Variants in RP1 observed in about 807,000 individuals in gnomAD.
RP1 encodes the protein RP1 axonemal microtubule associated, also known as oxygen-regulated protein 1.
In RP1, 16 loss-of-function variants were observed where a neutral mutation model predicts 14.8. The observed-to-expected ratio is 1.08, with a 90% confidence interval of 0.73 to 1.65. The LOEUF (loss-of-function observed/expected upper bound fraction) is 1.65, where lower values mean the gene tolerates loss of function less well. Ranked by LOEUF, RP1 falls within the 40% of genes most tolerant of loss-of-function variation. The pLI, the probability that RP1 is intolerant of heterozygous loss-of-function variation, is 0.00. For synonymous variants in RP1, 876 were observed against 883.6 expected (o/e 0.99, Z 0.15); for missense variants, 2,631 against 2,535.0 (o/e 1.04, Z -0.81).
At chr8:54,823,612 G>A (rs1811310320) in intron 24 of RP1, among the ~76,000 whole-genome samples, 1 of 152,170 alleles carries the variant, frequency 6.6e-6, no homozygotes, top group Non-Finnish European at 1.5e-5. Flanking sequence ...TTACAGACAT[G>A]AGCCACCATG....
At chr8:54,633,733 CTCTCTATATA>C (rs1276751107), downstream of RP1, among the ~76,000 whole-genome samples, 4 of 130,132 alleles carry the variant, frequency 3.1e-5, no homozygotes, top group African/African-American at 1.2e-4. Context: ...CTCTCTCTCT[CTCTCTATATA>C]TATATATATA....
intron 24 of RP1, among the ~76,000 whole-genome samples, chr8:54,788,270 G>T (rs1478871736): frequency 6.6e-6 from 1 of 152,164 alleles, no homozygotes; most frequent in East Asian, 1.9e-4. Context: ...GAGCAAGTCA[G>T]TTGAGTATGT....
chr8:54,682,700 C>T (rs144909272), intron 12 of RP1, among the ~76,000 whole-genome samples: 4,468 of 151,802 alleles, frequency 0.029, 127 homozygotes, highest in African/African-American at 0.066. Flanking sequence ...GAATATTAGA[C>T]CTTTGTCAGA....
chr8:54,771,721 G>A (rs1809912511), downstream of RP1, among the ~76,000 whole-genome samples: 1 of 151,984 alleles, frequency 6.6e-6, no homozygotes, highest in African/African-American at 2.4e-5. Flanking sequence ...TCTAAATAAT[G>A]CAACCTTTAA....
intron 17 of RP1, chr8:54,734,513 TG>T (rs1563361382): frequency 6.6e-7 from 1 of 1,511,728 alleles, no homozygotes; most frequent in Admixed American, 2.0e-5. Flanking sequence ...ATGTTATATC[TG>T]ATCTGCCACT....
intron 24 of RP1, among the ~76,000 whole-genome samples, chr8:54,806,765 A>T (rs1350462094): frequency 6.6e-6 from 1 of 152,206 alleles, no homozygotes; most frequent in Non-Finnish European, 1.5e-5. Context: ...TTACAAAAAA[A>T]ATTCTTTGTT....
rs76177379 is a variant in RP1, at chr8:54,662,457, C to T, written c.1172-1242C>T. Among the ~76,000 whole-genome samples, 1,171 of 152,284 alleles carry T rather than the reference C, an allele frequency of 7.7e-3. 20 individuals carry two copies. Among genetic ancestry groups the T allele is most frequent in the African/African-American group, 0.027 (1,109 of 41,554 alleles). On this transcript the variant is annotated intron_variant, in intron 6 of 22. Coordinates refer to the RP1 transcript ENST00000636932. Reference sequence around the variant, plus strand: ...CTTCCTGTTTGGAAGGAAGACCCTACTGAAGCCCAGTTCCACCAAACAGAA... The same window carrying T: ...CTTCCTGTTTGGAAGGAAGACCCTATTGAAGCCCAGTTCCACCAAACAGAA...
Position 54,701,403 on chromosome 8 carries a change from A to G in RP1, c.1822-83A>G. ...AAAGTTTCCATAAAATGAAGTAGAC[A>G]CCTGTATATGTATATAATGTGATTA... On this transcript the variant is annotated intron_variant, in intron 13 of 22. Transcript: ENST00000636932. 6 of 1,113,856 alleles carry G rather than the reference A, an allele frequency of 5.4e-6. No homozygotes were observed. In the South Asian group the frequency reaches 1.5e-4, roughly 27 times the overall value. The allele number at this position is 1,113,856 out of a possible 1,614,324, so 69.0% of individuals were successfully genotyped here.
In RP1 at chr8:54,669,171, A is replaced by G. The variant is rs546767008; in HGVS notation, c.1324-4679A>G. On this transcript the variant is annotated intron_variant, in intron 7 of 22. Coordinates refer to the RP1 transcript ENST00000636932. ...CCCAGAATCTACAAAGAACTTAAAC[A>G]AATTTACAAGAAAAAAAACACAACC... Among the ~76,000 whole-genome samples the G allele has an allele frequency of 1.6e-4, 24 of 152,334 alleles. No individual in the cohort carries two copies. The South Asian group carries it at 1.7e-3, about 11-fold the overall frequency.
chr8:54,754,713 C>T, intron 19 of RP1: 1 of 1,329,208 alleles, frequency 7.5e-7, no homozygotes, highest in Non-Finnish European at 9.9e-7. Flanking sequence ...ATGCAGTACA[C>T]TTTTGAAATC....
At chr8:54,680,682 GGT>G (rs1807405985) in intron 12 of RP1, among the ~76,000 whole-genome samples, 1 of 152,154 alleles carries the variant, frequency 6.6e-6, no homozygotes, top group Admixed American at 6.5e-5. Flanking sequence ...GTCTGGGCCG[GGT>G]GTGGTGGCTC....
At chr8:54,821,093 T>G (rs1811245686) in intron 24 of RP1, among the ~76,000 whole-genome samples, 1 of 152,038 alleles carries the variant, frequency 6.6e-6, no homozygotes, top group South Asian at 2.1e-4. Context: ...CGCCAGAAAT[T>G]ACCTCCCAGA....
intron 1 of RP1, among the ~76,000 whole-genome samples, chr8:54,575,506 T>C (rs535923646): frequency 1.3e-5 from 2 of 152,186 alleles, no homozygotes; most frequent in African/African-American, 4.8e-5. Context: ...GGAATAGCCA[T>C]CCCCTCACAT....
Position 54,782,878 on chromosome 8 carries a change from G to C in RP1, c.3452-669G>C, listed in dbSNP as rs114819507. Among the ~76,000 whole-genome samples, 887 of 152,054 alleles carry C rather than the reference G, an allele frequency of 5.8e-3. 5 individuals are homozygous for C. The highest frequency in any genetic ancestry group is 0.018 in the African/African-American group (758 of 41,476). ...GTATCACTGCAGCAGGAAGCTCAAT[G>C]ATCCCTTCTGCTTGCATGATGCATT... is the stretch of plus-strand genomic sequence containing the variant. On this transcript the variant is annotated intron_variant, in intron 23 of 28. Coordinates refer to the RP1 transcript ENST00000637698.
rs542018126 is a variant in RP1, at chr8:54,654,660, C to T, written c.1039-1423C>T. ...GGTACTGAAAATCTGACTTTTTTTC[C>T]TTTTTGAGACAGGGTCTCTGTCTAT... On this transcript the variant is annotated intron_variant, in intron 5 of 22. Coordinates refer to the RP1 transcript ENST00000636932. Among the ~76,000 whole-genome samples, 3 of 152,038 alleles carry T rather than the reference C, an allele frequency of 2.0e-5. No individual in the cohort carries two copies. In the South Asian group the frequency reaches 6.2e-4, roughly 32 times the overall value.
At chr8:54,674,602 T>C (rs1044091865) in intron 8 of RP1, among the ~76,000 whole-genome samples, 4 of 151,034 alleles carry the variant, frequency 2.6e-5, no homozygotes, top group African/African-American at 9.7e-5. Flanking sequence ...ATTTTCAAAC[T>C]AAGAACAAGA....
intron 12 of RP1, among the ~76,000 whole-genome samples, chr8:54,699,152 T>C (rs1563351496): frequency 6.6e-6 from 1 of 151,058 alleles, no homozygotes; most frequent in Non-Finnish European, 1.5e-5. Context: ...TGTATATGTA[T>C]ATAGATATAG....
At chr8:54,733,482 T>C (rs1162582480) in intron 17 of RP1, among the ~76,000 whole-genome samples, 1 of 152,184 alleles carries the variant, frequency 6.6e-6, no homozygotes, top group African/African-American at 2.4e-5. Flanking sequence ...TGTTTTTATT[T>C]ATATATTTTT....
Position 54,625,802 on chromosome 8 carries a change from A to G in RP1, c.1920A>G (p.Ala640=). ...CAGAAGCATCCTCTACTGTCACTGC[A>G]AGAATTGACAGACTAATTAATGAAT... The part of the protein sequence containing the change: ...PASEASSTVT[A]RIDRLINEFA... Residue 640 remains alanine, a synonymous_variant, in exon 4 of 4, where the codon GCA becomes GCG. Transcript: ENST00000220676. 6.2e-7 allele frequency: 1 copy of G among 1,613,474 alleles called. No individual in the cohort carries two copies. Among genetic ancestry groups the G allele is most frequent in the Non-Finnish European group, 8.5e-7 (1 of 1,179,984 alleles).
Sources: allele counts gnomAD v4.1 joint callset (sites outside exome capture counted in the v4.1 genomes callset), GRCh38; gene constraint gnomAD v4.1.1; transcripts MANE v1.5; gene names NCBI Gene and HGNC (gene_info 2026-07-23, HGNC 2026-07-21).